CFAP20DC: variants seen among roughly 807,000 people sequenced by gnomAD.
CFAP20DC encodes the protein protein CFAP20DC.
A neutral mutation model predicts 101.7 loss-of-function variants in CFAP20DC; 84 were observed. That is an observed-to-expected ratio of 0.83 (90% CI 0.69 to 0.99). CFAP20DC has a LOEUF of 0.99. Ranked by LOEUF, CFAP20DC falls within the 50% of genes least tolerant of loss-of-function variation. The probability of loss-of-function intolerance (pLI) is 0.00; values close to 1 mark genes in which losing one functional copy is unlikely to be tolerated. For missense variants in CFAP20DC, 1,007 were observed against 970.3 expected (o/e 1.04, Z -0.50); for synonymous variants, 359 against 351.2 (o/e 1.02, Z -0.25).
chr3:58,788,378 C>A lies in CFAP20DC; in HGVS notation c.2237+18017G>T, dbSNP rs1235201559. ...GGGAAATCCTATTGGTGAGAATCCA[C>A]AGACATTTTTGAGCTTCTAATGTGG... On this transcript the variant is annotated intron_variant, in intron 15 of 16. Coordinates refer to ENST00000482387, the MANE Select transcript of CFAP20DC (RefSeq NM_001394063.1). The surrounding 1 kb of genome is among the most constrained non-coding windows in gnomAD (Gnocchi z 4.2). Among the ~76,000 whole-genome samples the A allele has an allele frequency of 6.6e-6, 1 of 152,120 alleles. No individual in the cohort carries two copies. Among genetic ancestry groups the A allele is most frequent in the Non-Finnish European group, 1.5e-5 (1 of 68,006 alleles).
In CFAP20DC at chr3:58,849,220, A is replaced by C; in HGVS notation, c.1783T>G (p.Phe595Val). The part of the protein sequence containing the change: ...SSMEQIDRNN[F>V]EMSLLPTTCL... ...GTTGTAGGCAACAAACTCATTTCAA[A>C]GTTATTTCTATCTATTTGCTCCATC... Residue 595 changes from phenylalanine to valine, a missense_variant, in exon 13 of 17, where the codon TTT becomes GTT. Phe to Val is a conservative substitution (Grantham distance 50). Coordinates refer to ENST00000482387, the MANE Select transcript of CFAP20DC (RefSeq NM_001394063.1). The C allele has an allele frequency of 1.3e-6, 2 of 1,536,088 alleles. No individual in the cohort carries two copies. Among genetic ancestry groups the C allele is most frequent in the South Asian group, 2.4e-5 (2 of 84,036 alleles).
At chr3:58,954,557 C>T (rs911319334) in intron 4 of CFAP20DC, among the ~76,000 whole-genome samples, 7 of 152,074 alleles carry the variant, frequency 4.6e-5, no homozygotes, top group South Asian at 2.1e-4. Flanking sequence ...TAAAACGTTT[C>T]GATATATATT....
At chr3:58,992,513 T>G (rs1407836663) in intron 4 of CFAP20DC, 1 of 958,414 alleles carries the variant, frequency 1.0e-6, no homozygotes. Flanking sequence ...CTCACCTCGT[T>G]CTTCAAATGG....
At chr3:58,772,916 C>T (rs981237694) in intron 15 of CFAP20DC, among the ~76,000 whole-genome samples, 9 of 151,982 alleles carry the variant, frequency 5.9e-5, no homozygotes, top group African/African-American at 1.9e-4. Context: ...AACTGTTAAC[C>T]ATAATCACAT....
chr3:58,974,469 T>C (rs905007342), intron 4 of CFAP20DC, among the ~76,000 whole-genome samples: 1 of 152,172 alleles, frequency 6.6e-6, no homozygotes, highest in African/African-American at 2.4e-5. Context: ...TAGTATTCCA[T>C]GGTATATATG....
rs764712753 is a variant in CFAP20DC at position 58,795,828 on chromosome 3, C to T, written c.2237+10567G>A. ...TGAAAATTAATTAGTATTTCCCAGT[C>T]TTAATGCCTTTAGACTCTCACAGAG... is the stretch of plus-strand genomic sequence containing the variant. On this transcript the variant is annotated intron_variant, in intron 15 of 16. Transcript: ENST00000482387. This position sits in a 1 kb window ranked among gnomAD's most constrained non-coding sequence, Gnocchi z 4.2. Among the ~76,000 whole-genome samples the T allele has an allele frequency of 9.2e-5, 14 of 152,100 alleles. No individual in the cohort carries two copies. The highest frequency in any genetic ancestry group is 1.9e-4 in the Non-Finnish European group (13 of 68,032).
At chr3:58,736,273 T>C (rs1048236167) in intron 3 of CFAP20DC, among the ~76,000 whole-genome samples, 2 of 152,144 alleles carry the variant, frequency 1.3e-5, no homozygotes, top group African/African-American at 2.4e-5. Flanking sequence ...TTCAACTGAG[T>C]TGGCTAAAAG....
At chr3:59,033,788 C>A (rs532146229) in intron 4 of CFAP20DC, among the ~76,000 whole-genome samples, 99 of 152,222 alleles carry the variant, frequency 6.5e-4, no homozygotes, top group Middle Eastern at 3.4e-3. Flanking sequence ...AGGATATTAA[C>A]CAGGAGAACT....
At chr3:58,982,478 T>C (rs2092594466) in intron 4 of CFAP20DC, among the ~76,000 whole-genome samples, 1 of 151,756 alleles carries the variant, frequency 6.6e-6, no homozygotes, top group Admixed American at 6.6e-5. Context: ...AATGATAGAC[T>C]GGATTAAGAA....
In CFAP20DC at chr3:58,721,038, G is replaced by A. The variant is rs774450703; in HGVS notation, c.198-3410C>T. 8.5e-5 allele frequency among the ~76,000 whole-genome samples: 13 copies of A among 152,096 alleles called. No homozygotes were observed. The highest frequency in any genetic ancestry group is 2.6e-4 in the Admixed American group (4 of 15,280). On this transcript the variant is annotated intron_variant, in intron 3 of 3. Coordinates refer to the CFAP20DC transcript ENST00000486145. This position sits in a 1 kb window ranked among gnomAD's most constrained non-coding sequence, Gnocchi z 5.2. Reference sequence around the variant, plus strand: ...CAAGAAAACCTCCTCAGACTCCAAGGCTAGGTTAGGTTCCTCATTTTTCTC... The same window carrying A: ...CAAGAAAACCTCCTCAGACTCCAAGACTAGGTTAGGTTCCTCATTTTTCTC...
chr3:58,877,407 G>A (rs1350577929), intron 7 of CFAP20DC, among the ~76,000 whole-genome samples: 2 of 152,232 alleles, frequency 1.3e-5, no homozygotes, highest in Admixed American at 6.5e-5. Context: ...GTGTTTAACA[G>A]GAGCTTCATA....
At chr3:59,026,158 A>G (rs572378629) in intron 4 of CFAP20DC, among the ~76,000 whole-genome samples, 2 of 152,320 alleles carry the variant, frequency 1.3e-5, no homozygotes, top group Admixed American at 1.3e-4. Context: ...TTAATTTGAC[A>G]TAATTAAAAT....
chr3:59,030,889 T>C (rs984103607), intron 4 of CFAP20DC, among the ~76,000 whole-genome samples: 5 of 152,316 alleles, frequency 3.3e-5, no homozygotes, highest in African/African-American at 4.8e-5. Flanking sequence ...AGTGGAGCAA[T>C]CTCGGCTCAC....
chr3:59,023,639 G>T (rs2093842918), intron 4 of CFAP20DC, among the ~76,000 whole-genome samples: 1 of 152,050 alleles, frequency 6.6e-6, no homozygotes. Flanking sequence ...CCAACTTTGT[G>T]GGGCAACTGG....
At chr3:58,814,819 C>A (rs933421040) in intron 14 of CFAP20DC, among the ~76,000 whole-genome samples, 44 of 151,000 alleles carry the variant, frequency 2.9e-4, no homozygotes, top group African/African-American at 9.9e-4. Flanking sequence ...AGGACCTCTT[C>A]AAGGAGAACT....
chr3:58,848,013 G>A (rs62252884), intron 13 of CFAP20DC, among the ~76,000 whole-genome samples: 6 of 115,644 alleles, frequency 5.2e-5, no homozygotes, highest in Non-Finnish European at 1.1e-4. Context: ...TCTGGGGACT[G>A]TTGTGGGGTG....
intron 6 of CFAP20DC, among the ~76,000 whole-genome samples, chr3:58,908,610 A>T (rs1384108183): frequency 1.3e-5 from 2 of 152,224 alleles, no homozygotes; most frequent in Non-Finnish European, 2.9e-5. Flanking sequence ...TACAAAACTA[A>T]ACATGCTGTT....
At chr3:58,808,596 G>C (rs556389127) in intron 14 of CFAP20DC, among the ~76,000 whole-genome samples, 1 of 152,296 alleles carries the variant, frequency 6.6e-6, no homozygotes, top group East Asian at 1.9e-4. Context: ...ACCAGTACCA[G>C]CCACTGCAAA....
intron 4 of CFAP20DC, chr3:58,970,457 T>G (rs2108355186): frequency 6.6e-6 from 1 of 152,332 alleles, no homozygotes; most frequent in East Asian, 1.9e-4. Flanking sequence ...GAAAGACTGC[T>G]GGCAATTGCC....
Sources: allele counts gnomAD v4.1 joint callset (sites outside exome capture counted in the v4.1 genomes callset), GRCh38; gene constraint gnomAD v4.1.1; non-coding constraint Gnocchi (gnomAD v3.1); transcripts MANE v1.5; gene names NCBI Gene and HGNC (gene_info 2026-07-23, HGNC 2026-07-21).